OTUD7B: variants seen among roughly 807,000 people sequenced by gnomAD.
The protein encoded by OTUD7B is OTU deubiquitinase 7B.
A neutral mutation model predicts 82.2 loss-of-function variants in OTUD7B; 34 were observed. That is an observed-to-expected ratio of 0.41 (90% CI 0.31 to 0.55). The LOEUF (loss-of-function observed/expected upper bound fraction) is 0.55. Among genes scored for constraint, OTUD7B ranks in the 20% least tolerant of loss-of-function variants. OTUD7B has a pLI of 0.20. For synonymous variants in OTUD7B, 398 were observed against 402.7 expected (o/e 0.99, Z 0.14); for missense variants, 944 against 1,062.1 (o/e 0.89, Z 1.55).
intron 2 of OTUD7B, among the ~76,000 whole-genome samples, chr1:149,976,733 T>C (rs1253381523): frequency 1.3e-5 from 2 of 152,030 alleles, no homozygotes; most frequent in African/African-American, 4.8e-5. Flanking sequence ...ACCCATAATG[T>C]ATGTTATGTA....
chr1:150,002,358 T>C (rs1652351422), intron 1 of OTUD7B, among the ~76,000 whole-genome samples: 1 of 152,102 alleles, frequency 6.6e-6, no homozygotes, highest in Admixed American at 6.6e-5. Context: ...ACAAAACAAA[T>C]ACCTTGACAT....
the OTUD7B span, among the ~76,000 whole-genome samples, chr1:150,039,736 T>C: frequency 2.0e-5 from 3 of 152,254 alleles, no homozygotes; most frequent in Non-Finnish European, 4.4e-5. Flanking sequence ...CATATAAGTG[T>C]TACACATTTC....
At chr1:149,984,158 C>A (rs1650977111) in intron 1 of OTUD7B, among the ~76,000 whole-genome samples, 2 of 152,138 alleles carry the variant, frequency 1.3e-5, no homozygotes, top group African/African-American at 4.8e-5. Flanking sequence ...CTATCCCATA[C>A]CTTCACCATG....
At chr1:150,055,384 C>A in the OTUD7B span, among the ~76,000 whole-genome samples, 37 of 150,498 alleles carry the variant, frequency 2.5e-4, 1 homozygote, top group Non-Finnish European at 2.1e-4. Flanking sequence ...TAACTGATAA[C>A]AAAAAAAAAT....
In OTUD7B at chr1:149,964,124, C is replaced by A. The variant is rs1649348788; in HGVS notation, c.732+98G>T. The A allele has an allele frequency of 2.8e-6, 4 of 1,408,454 alleles. No individual in the cohort carries two copies. The South Asian group carries it at 4.8e-5, about 17-fold the overall frequency. The allele number at this position is 1,408,454 out of a possible 1,614,324, so 87.2% of individuals were successfully genotyped here. A position where few individuals can be genotyped will look rare whatever the true frequency, so the allele number is the denominator to read the frequency against. On this transcript the variant is annotated intron_variant, in intron 6 of 11. Transcript: ENST00000581312. The stretch of plus-strand genomic sequence containing the variant: ...AGGATCATAAGGGGAGTCACACTGA[C>A]CTAAACACTTGGAAATATTTTCTAC...
At chr1:149,963,082 C>G (rs1163394243) in intron 6 of OTUD7B, 1 of 152,064 alleles carries the variant, frequency 6.6e-6, no homozygotes, top group African/African-American at 2.4e-5. Context: ...AGAAACATAG[C>G]ATGTTCTACT....
chr1:150,020,193 A>G, the OTUD7B span, among the ~76,000 whole-genome samples: 1 of 151,972 alleles, frequency 6.6e-6, no homozygotes, highest in Non-Finnish European at 1.5e-5. Flanking sequence ...GATGTAATTC[A>G]TATAGCAGGG....
chr1:150,014,006 ATATACACACACATATATACG>A (rs1653188780), upstream of OTUD7B, among the ~76,000 whole-genome samples: 2 of 137,652 alleles, frequency 1.5e-5, no homozygotes, highest in African/African-American at 5.3e-5. Flanking sequence ...ACACACATAT[ATATACACACACATATATACG>A]TATATATACG....
the OTUD7B span, among the ~76,000 whole-genome samples, chr1:150,024,848 G>A: frequency 0.018 from 2,737 of 152,156 alleles, 47 homozygotes; most frequent in Middle Eastern, 0.031. Flanking sequence ...AGGAGTTCAA[G>A]ACCAGCCTGG....
chr1:149,974,538 T>TTC (rs1650160174), intron 2 of OTUD7B, among the ~76,000 whole-genome samples: 1 of 146,770 alleles, frequency 6.8e-6, no homozygotes, highest in South Asian at 2.1e-4. Flanking sequence ...TCTTCTTTTT[T>TTC]TTTCTTAGTT....
the OTUD7B span, among the ~76,000 whole-genome samples, chr1:150,016,446 CT>C: frequency 0.92 from 120,023 of 129,894 alleles, 55,263 homozygotes; most frequent in East Asian, 0.96. Flanking sequence ...TTTCTCTTTT[CT>C]TTTTCTTTTT....
At chr1:149,999,224 T>C (rs1257744721) in intron 1 of OTUD7B, among the ~76,000 whole-genome samples, 1 of 152,170 alleles carries the variant, frequency 6.6e-6, no homozygotes, top group Non-Finnish European at 1.5e-5. Context: ...ATTACAAAGA[T>C]GTGAGAAAGA....
At chr1:150,062,776 G>A in the OTUD7B span, among the ~76,000 whole-genome samples, 1 of 136,348 alleles carries the variant, frequency 7.3e-6, no homozygotes, top group African/African-American at 2.7e-5. Context: ...GCAATGGCGC[G>A]CGATCTCGGC....
chr1:150,046,740 C>T, the OTUD7B span, among the ~76,000 whole-genome samples: 2 of 150,692 alleles, frequency 1.3e-5, no homozygotes, highest in Non-Finnish European at 3.0e-5. Context: ...TTAGCCACCA[C>T]GTCTGGCCTC....
At chr1:150,024,159 C>A in the OTUD7B span, among the ~76,000 whole-genome samples, 2 of 152,156 alleles carry the variant, frequency 1.3e-5, no homozygotes, top group Non-Finnish European at 2.9e-5. Flanking sequence ...TATTCCATTC[C>A]ACAAGTTAAA....
intron 1 of OTUD7B, among the ~76,000 whole-genome samples, chr1:149,978,716 CTA>C (rs1470305610): frequency 1.2e-4 from 19 of 152,172 alleles, no homozygotes; most frequent in African/African-American, 4.8e-5. Flanking sequence ...TTGGCAGAAA[CTA>C]TGTCCCTAAC....
chr1:149,953,295 A>C (rs376276898), intron 7 of OTUD7B, among the ~76,000 whole-genome samples: 1 of 152,104 alleles, frequency 6.6e-6, no homozygotes, highest in African/African-American at 2.4e-5. Flanking sequence ...CACCATTTAT[A>C]AAATAGGGAA....
intron 11 of OTUD7B, among the ~76,000 whole-genome samples, chr1:149,946,056 A>ATG (rs2101723877): frequency 7.6e-5 from 1 of 13,162 alleles, no homozygotes; most frequent in Admixed American, 1.0e-3. Context: ...GTGAAACTCC[A>ATG]TCTCAAAGAA....
chr1:150,006,603 G>A (rs3936952), intron 1 of OTUD7B, among the ~76,000 whole-genome samples: 48,718 of 152,090 alleles, frequency 0.32, 9,073 homozygotes, highest in African/African-American at 0.51. Flanking sequence ...AAAATAACCA[G>A]GAAATGTCTT....
Sources: gnomAD v4.1 joint callset for allele counts (sites outside exome capture counted in the v4.1 genomes callset) on GRCh38, gnomAD v4.1.1 for gene constraint, MANE v1.5 for transcripts, NCBI Gene and HGNC (gene_info 2026-07-23, HGNC 2026-07-21) for gene names.